Variants in VSX1 observed in about 807,000 individuals in gnomAD.
VSX1 encodes visual system homeobox 1.
In VSX1, 23 loss-of-function variants were observed where a neutral mutation model predicts 23.6. The observed-to-expected ratio is 0.97, with a 90% CI of 0.70 to 1.38. The LOEUF (loss-of-function observed/expected upper bound fraction) is 1.38, where lower values mean the gene tolerates loss of function less well. Ranked by LOEUF, VSX1 falls within the 40% of genes most tolerant of loss-of-function variation. VSX1 has a pLI of 0.00. For synonymous variants in VSX1, 247 were observed against 215.1 expected, an observed-to-expected ratio of 1.15 and a Z score of -1.30; for missense variants, 517 against 495.4, an observed-to-expected ratio of 1.04 and a Z score of -0.41.
chr20:25,071,105 A>C (rs958795607), downstream of VSX1: 1 of 454,012 alleles, frequency 2.2e-6, no homozygotes, highest in African/African-American at 2.0e-5. Context: ...AGAGGAGACG[A>C]CCACAGCTGG....
chr20:25,078,031 A>C, intron 3 of VSX1, 166 bp from the exon 4 acceptor site: 1 of 937,344 alleles, frequency 1.1e-6, no homozygotes, highest in Non-Finnish European at 1.6e-6. Context: ...GCCCTCAGGG[A>C]GAGCGCCCAG....
At chr20:25,077,569 T>C in intron 4 of VSX1, 116 bp downstream of exon 4, 2 of 1,262,728 alleles carry the variant, frequency 1.6e-6, no homozygotes, top group East Asian at 2.5e-5. Context: ...TGGACCTGAA[T>C]CTCAGTAAAC....
Position 25,081,849 on chromosome 20 carries a change from C to G in VSX1, c.248G>C (p.Gly83Ala). ...CTGCGTGCCGAAGCCACAGAGGAGG[C>G]CGAGTCCCAGCGGTAGGGCCCCACG... ...LARGALPLGLGLLCGFGTQPP... is the reference protein window; with the variant it reads ...LARGALPLGLALLCGFGTQPP... Residue 83 changes from glycine (G) to alanine (A), a missense_variant, in exon 1 of 5, where the codon GGC becomes GCC. Transcript: ENST00000376709. 1 of 1,521,314 alleles carries G rather than the reference C, an allele frequency of 6.6e-7. No homozygotes were observed. Among genetic ancestry groups the G allele is most frequent in the Non-Finnish European group, 8.8e-7 (1 of 1,141,962 alleles). The allele number at this position is 1,521,314 out of a possible 1,614,324, so 94.2% of individuals were successfully genotyped here.
At chr20:25,076,698 G>A (rs747637672) in intron 4 of VSX1, 148 bp from the exon 5 acceptor site, 8 of 933,276 alleles carry the variant, frequency 8.6e-6, no homozygotes, top group Non-Finnish European at 1.2e-5. Flanking sequence ...AGGCAGGTAG[G>A]TAACTCCCAC....
chr20:25,078,617 A>G (rs561874048), intron 3 of VSX1: 1,044 of 1,474,008 alleles, frequency 7.1e-4, no homozygotes, highest in Admixed American at 1.4e-3. Context: ...GTGATTTTAA[A>G]GAATGATTTG....
chr20:25,077,761 G>GTGGC lies in VSX1; in HGVS notation c.728_731dup (p.His244GlnfsTer31), dbSNP rs2089535911. On this transcript the variant is annotated frameshift_variant, in exon 4 of 5. Transcript: ENST00000376709. LOFTEE classifies it high-confidence loss of function. Reference sequence around the variant, plus strand: ...GCACGGAGTCTGGCAGCGGGATGCAGTGGCGCACCATGGCCCCGTACAGCC... The same window carrying GTGGC: ...GCACGGAGTCTGGCAGCGGGATGCAGTGGCTGGCGCACCATGGCCCCGTACAGCC... The GTGGC allele has an allele frequency of 6.4e-7, 1 of 1,550,840 alleles. No individual in the cohort carries two copies. The highest frequency in any genetic ancestry group is 1.4e-5 in the African/African-American group (1 of 73,054).
chr20:25,077,899 G>T (rs560260291), intron 3 of VSX1, 34 bp from the exon 4 acceptor site: 3 of 1,550,138 alleles, frequency 1.9e-6, no homozygotes, highest in East Asian at 2.4e-5. Context: ...AAGGCACACA[G>T]AAGAGACAGT....
chr20:25,072,412 G>C (rs140980310), downstream of VSX1: 2 of 430,762 alleles, frequency 4.6e-6, no homozygotes, highest in Non-Finnish European at 9.5e-6. Context: ...CTGTCCACAC[G>C]TGTGTGTGCT....
Position 25,076,296 on chromosome 20 carries a change from C to T in VSX1, c.1063G>A (p.Glu355Lys). Residue 355 changes from glutamate (E) to lysine (K), a missense_variant, in exon 5 of 5, where the codon GAG becomes AAG. Coordinates refer to ENST00000376709, the MANE Select transcript of VSX1 (RefSeq NM_014588.6). Reference sequence around the variant, plus strand: ...CCCACCTTCCCTGGCTGGGGCCCCTCCAGTGCCGTGGAGTTGGAGCCTCCT... The same window carrying T: ...CCCACCTTCCCTGGCTGGGGCCCCTTCAGTGCCGTGGAGTTGGAGCCTCCT... ...AQGGSNSTALEGPQPGKVGAT is the reference protein window; with the variant it reads ...AQGGSNSTALKGPQPGKVGAT 2 of 1,614,228 alleles carry T rather than the reference C, an allele frequency of 1.2e-6. No individual in the cohort carries two copies. Among genetic ancestry groups the T allele is most frequent in the Non-Finnish European group, 1.7e-6 (2 of 1,180,052 alleles).
chr20:25,080,738 T>C (rs932265092), intron 1 of VSX1, among the ~76,000 whole-genome samples: 2 of 152,232 alleles, frequency 1.3e-5, no homozygotes, highest in East Asian at 3.8e-4. Flanking sequence ...GTGACACTAA[T>C]AGGGAGTTTC....
downstream of VSX1, chr20:25,072,539 G>A (rs191418417): frequency 7.6e-5 from 36 of 471,070 alleles, no homozygotes; most frequent in East Asian, 4.2e-4. Context: ...CCATCACCTC[G>A]TTCTTTAAGG....
chr20:25,076,808 C>A (rs772568736), intron 4 of VSX1, among the ~76,000 whole-genome samples: 1 of 152,180 alleles, frequency 6.6e-6, no homozygotes, highest in Non-Finnish European at 1.5e-5. Flanking sequence ...CCCTAGGCTG[C>A]GGTCTCGCAG....
Position 25,077,935 on chromosome 20 carries a change from G to A in VSX1, c.628-70C>T. ...GAAGAGGGGCGCCTGGAGGAGCGGA[G>A]GCGGCGTCCCAGGGCTCGGATCTTC... On this transcript the variant is annotated intron_variant, in intron 3 of 4. Coordinates refer to ENST00000376709, the MANE Select transcript of VSX1 (RefSeq NM_014588.6). 3.3e-6 allele frequency: 5 copies of A among 1,525,010 alleles called. No individual in the cohort carries two copies. The South Asian group carries it at 6.0e-5, about 18-fold the overall frequency. 94.5% of individuals were successfully genotyped at this position (1,525,010 alleles called of 1,614,324 possible).
intron 2 of VSX1, 84 bp from the exon 3 acceptor site, chr20:25,079,036 T>C: frequency 6.4e-7 from 1 of 1,554,624 alleles, no homozygotes; most frequent in Non-Finnish European, 8.8e-7. Flanking sequence ...CCGTGCCTGC[T>C]TCCTCTGCTG....
At chr20:25,071,132 T>A (rs1263601915), downstream of VSX1, 1 of 454,014 alleles carries the variant, frequency 2.2e-6, no homozygotes. Flanking sequence ...AGAGGGTCAG[T>A]AAGAGGAATC....
chr20:25,072,140 T>G (rs373080117), downstream of VSX1: 5 of 579,194 alleles, frequency 8.6e-6, no homozygotes, highest in East Asian at 1.4e-4. Flanking sequence ...CTGAAACAGA[T>G]GCACACAATT....
At chr20:25,080,614 A>G (rs2089619027) in intron 1 of VSX1, among the ~76,000 whole-genome samples, 1 of 152,202 alleles carries the variant, frequency 6.6e-6, no homozygotes, top group East Asian at 1.9e-4. Flanking sequence ...ATCACATTTC[A>G]TTTTTCTTGG....
chr20:25,072,020 T>C (rs1376102617), downstream of VSX1: 5 of 620,874 alleles, frequency 8.1e-6, no homozygotes, highest in Middle Eastern at 2.6e-4. Flanking sequence ...AAGTTTGCAC[T>C]GGAAAACAGG....
chr20:25,081,722 C>T lies in VSX1; in HGVS notation c.375G>A (p.Pro125=). The change falls in exon 1 of 5, where the codon CCG becomes CCA. Residue 125 remains proline (P), a synonymous_variant. Transcript: ENST00000376709. ...EPAAPLAPSR[P]PPALGRQKRS... The stretch of plus-strand genomic sequence containing the variant: ...GCTTCTGGCGGCCGAGCGCAGGCGG[C>T]GGACGGCTGGGAGCCAGCGGGGCAG... The T allele has an allele frequency of 6.7e-7, 1 of 1,500,254 alleles. No homozygotes were observed. Among genetic ancestry groups the T allele is most frequent in the Non-Finnish European group, 8.8e-7 (1 of 1,133,000 alleles). The allele number at this position is 1,500,254 out of a possible 1,614,324, so 92.9% of individuals were successfully genotyped here.
Sources: gnomAD v4.1 joint callset for allele counts (sites outside exome capture counted in the v4.1 genomes callset) on GRCh38, gnomAD v4.1.1 for gene constraint, MANE v1.5 for transcripts, NCBI Gene and HGNC (gene_info 2026-07-23, HGNC 2026-07-21) for gene names.